TTLL11: variants seen among roughly 807,000 people sequenced by gnomAD.
TTLL11 encodes the protein tubulin tyrosine ligase like 11.
TTLL11 carries 42 observed loss-of-function variants against 51.7 expected under a neutral mutation model. The observed-to-expected ratio is 0.81, with a 90% CI of 0.64 to 1.05. TTLL11 has a LOEUF of 1.05. Among genes scored for constraint, TTLL11 ranks in the 50% least tolerant of loss-of-function variants. The probability of loss-of-function intolerance (pLI) is 0.00; values close to 1 mark genes in which losing one functional copy is unlikely to be tolerated. For missense variants in TTLL11, 799 were observed against 940.4 expected (o/e 0.85, Z 1.97); for synonymous variants, 381 against 383.5 (o/e 0.99, Z 0.08).
At position 122,031,850 on chromosome 9, in the gene TTLL11, G is replaced by A. The variant is rs184728832; in HGVS notation, c.566C>T (p.Thr189Met). Residue 189 changes from threonine to methionine, a missense_variant, in exon 3 of 9, where the codon ACG (threonine) becomes ATG (methionine). Coordinates refer to ENST00000321582, the MANE Select transcript of TTLL11 (RefSeq NM_001139442.2). ...CAGAGTAATTTTACGCACCATCTCC[G>A]TCATGCCTGGGGAGAAGAGACGCTG... ...SGQVNKFPGM[T>M]EMVRKITLSR... is the part of the protein sequence containing the mutation. The A allele has an allele frequency of 2.6e-5, 42 of 1,612,798 alleles. No homozygotes were observed. The Admixed American group carries it at 2.8e-4, about 11-fold the overall frequency.
intron 1 of TTLL11, among the ~76,000 whole-genome samples, chr9:122,039,760 T>A (rs1441538774): frequency 1.3e-5 from 2 of 151,518 alleles, no homozygotes; most frequent in Non-Finnish European, 2.9e-5. Flanking sequence ...AGGATTAGAG[T>A]CCAGGTCTAT....
chr9:121,872,383 G>A (rs1838388302), intron 6 of TTLL11, among the ~76,000 whole-genome samples: 1 of 152,112 alleles, frequency 6.6e-6, no homozygotes, highest in Non-Finnish European at 1.5e-5. Flanking sequence ...CTCTCTCACC[G>A]TTTTGTGAGC....
chr9:121,933,516 G>A (rs1057435296), intron 6 of TTLL11, among the ~76,000 whole-genome samples: 1 of 152,158 alleles, frequency 6.6e-6, no homozygotes, highest in Admixed American at 6.5e-5. Context: ...GAGATCAGTG[G>A]TGTTCAAAGG....
chr9:121,840,365 G>A (rs1044852203), intron 8 of TTLL11, among the ~76,000 whole-genome samples: 1 of 152,018 alleles, frequency 6.6e-6, no homozygotes. Flanking sequence ...GGCTGGAGGG[G>A]GCAAGTGACT....
chr9:121,907,771 G>A (rs548992579), intron 6 of TTLL11, among the ~76,000 whole-genome samples: 5 of 152,208 alleles, frequency 3.3e-5, no homozygotes, highest in Non-Finnish European at 5.9e-5. Flanking sequence ...TCATATCTGT[G>A]GTGGCTCGCC....
intron 6 of TTLL11, among the ~76,000 whole-genome samples, chr9:121,897,828 A>G (rs2131466021): frequency 6.7e-6 from 1 of 149,768 alleles, no homozygotes; most frequent in South Asian, 2.1e-4. Flanking sequence ...CCCTCATTTC[A>G]CTGCATTTCT....
At chr9:121,884,479 C>T (rs552888338) in intron 6 of TTLL11, among the ~76,000 whole-genome samples, 5 of 152,142 alleles carry the variant, frequency 3.3e-5, no homozygotes, top group South Asian at 4.2e-4. Flanking sequence ...AACACACACG[C>T]GGGAGAGGGA....
chr9:122,002,729 G>A (rs967234881), intron 3 of TTLL11, among the ~76,000 whole-genome samples: 21 of 151,816 alleles, frequency 1.4e-4, no homozygotes, highest in African/African-American at 3.1e-4. Context: ...GGCGGATCAC[G>A]AGGTCAAGAG....
At position 122,061,998 on chromosome 9, in the gene TTLL11, T is replaced by C. The variant is rs1383132135; in HGVS notation, c.463-22630A>G. Reference sequence around the variant, plus strand: ...TTCCTCTTTGAATTTCTTTTGAAAATTCTAAATAGGTGGTTCTCTGTCAGG... The same window carrying C: ...TTCCTCTTTGAATTTCTTTTGAAAACTCTAAATAGGTGGTTCTCTGTCAGG... On this transcript the variant is annotated intron_variant, in intron 1 of 8. Transcript: ENST00000321582. Among the ~76,000 whole-genome samples the C allele has an allele frequency of 2.0e-5, 3 of 152,184 alleles. No homozygotes were observed. In the East Asian group the frequency reaches 5.8e-4, roughly 29 times the overall value.
At chr9:121,933,487 C>T (rs1254588050) in intron 6 of TTLL11, among the ~76,000 whole-genome samples, 4 of 152,070 alleles carry the variant, frequency 2.6e-5, no homozygotes, top group Non-Finnish European at 5.9e-5. Context: ...GTTAGAAATC[C>T]GGACCTCTGT....
intron 6 of TTLL11, among the ~76,000 whole-genome samples, chr9:121,874,626 T>G (rs1480396064): frequency 2.0e-5 from 3 of 152,220 alleles, no homozygotes; most frequent in Non-Finnish European, 4.4e-5. Flanking sequence ...TAATTTCTCA[T>G]GACATGACAT....
intron 3 of TTLL11, among the ~76,000 whole-genome samples, chr9:122,003,412 C>T (rs561986223): frequency 6.6e-6 from 1 of 150,952 alleles, no homozygotes; most frequent in South Asian, 2.1e-4. Flanking sequence ...TATATTATAA[C>T]ATTTTAGCAA....
At chr9:122,089,995 T>C (rs1223505884) in intron 1 of TTLL11, among the ~76,000 whole-genome samples, 1 of 151,484 alleles carries the variant, frequency 6.6e-6, no homozygotes, top group African/African-American at 2.4e-5. Flanking sequence ...TCTCCACCTA[T>C]ATGCCAATGT....
intron 3 of TTLL11, among the ~76,000 whole-genome samples, chr9:122,011,392 A>C (rs765229301): frequency 5.2e-4 from 79 of 152,326 alleles, no homozygotes; most frequent in Middle Eastern, 3.4e-3. Context: ...TAATGTGAGA[A>C]TTAAATAAGA....
chr9:121,904,435 A>G (rs1408557832), intron 6 of TTLL11, among the ~76,000 whole-genome samples: 1 of 152,138 alleles, frequency 6.6e-6, no homozygotes, highest in Non-Finnish European at 1.5e-5. Context: ...TCGGCCTCCA[A>G]AAGTGCTGGG....
rs1399436572 is a variant in TTLL11 at position 121,820,024 on chromosome 9, T to C, written c.*2563A>G. Reference sequence around the variant, plus strand: ...CAATCAGCAGGGAGGCTCTGTGCCCTGCGGGTGGGTGGGGCTATCGGGGCC... The same window carrying C: ...CAATCAGCAGGGAGGCTCTGTGCCCCGCGGGTGGGTGGGGCTATCGGGGCC... On this transcript the variant is annotated 3_prime_UTR_variant, in exon 9 of 9. Coordinates refer to ENST00000321582, the MANE Select transcript of TTLL11 (RefSeq NM_001139442.2). 6.6e-6 allele frequency among the ~76,000 whole-genome samples: 1 copy of C among 152,010 alleles called. No homozygotes were observed. Among genetic ancestry groups the C allele is most frequent in the African/African-American group, 2.4e-5 (1 of 41,402 alleles).
At chr9:122,070,641 T>A (rs1331121423) in intron 1 of TTLL11, among the ~76,000 whole-genome samples, 2 of 151,870 alleles carry the variant, frequency 1.3e-5, no homozygotes, top group African/African-American at 4.8e-5. Context: ...GCTGGACGAG[T>A]GTCTCTGAGG....
At chr9:121,969,199 C>T (rs963632833) in intron 6 of TTLL11, among the ~76,000 whole-genome samples, 1 of 152,110 alleles carries the variant, frequency 6.6e-6, no homozygotes, top group African/African-American at 2.4e-5. Context: ...ATCATTATCC[C>T]CATTTTATAG....
At chr9:122,050,823 G>C (rs60007400) in intron 1 of TTLL11, among the ~76,000 whole-genome samples, 4,036 of 152,262 alleles carry the variant, frequency 0.027, 170 homozygotes, top group African/African-American at 0.093. Flanking sequence ...TCAGCCATGT[G>C]AGTGAGCTTG....
Sources: gnomAD v4.1 joint callset for allele counts (sites outside exome capture counted in the v4.1 genomes callset) on GRCh38, gnomAD v4.1.1 for gene constraint, MANE v1.5 for transcripts, NCBI Gene and HGNC (gene_info 2026-07-23, HGNC 2026-07-21) for gene names.